Variants in CNST observed in about 807,000 individuals in gnomAD.
CNST encodes consortin, connexin sorting protein.
CNST carries 39 observed loss-of-function variants against 72.4 expected under a neutral mutation model. The ratio of observed to expected loss-of-function variants is 0.54; its 90% CI spans 0.42 to 0.70. The LOEUF (loss-of-function observed/expected upper bound fraction) is 0.70. Ranked by LOEUF, CNST falls within the 30% of genes least tolerant of loss-of-function variation. The pLI is 0.00. For synonymous variants in CNST, 332 were observed against 320.1 expected, an observed-to-expected ratio of 1.04 and a Z score of -0.40; for missense variants, 871 against 868.5, an observed-to-expected ratio of 1.00 and a Z score of -0.04.
chr1:246,566,985 T>C (rs1311762375), intron 1 of CNST, among the ~76,000 whole-genome samples: 2 of 152,138 alleles, frequency 1.3e-5, no homozygotes, highest in African/African-American at 4.8e-5. Flanking sequence ...TTCCTTTCTG[T>C]TGTGTGGCCC....
At chr1:246,614,664 G>T (rs1024339520) in intron 2 of CNST, among the ~76,000 whole-genome samples, 3 of 152,228 alleles carry the variant, frequency 2.0e-5, no homozygotes, top group African/African-American at 4.8e-5. Flanking sequence ...TTGGGACGGG[G>T]TTTCACCATG....
rs1169353352 is a variant in CNST at position 246,645,282 on chromosome 1, T to A, written c.938-1857T>A. On this transcript the variant is annotated intron_variant, in intron 8 of 10. Transcript: ENST00000366513. ...TTAAAGTATCAATATGTTTTTGGAG[T>A]CCAGGGTGAAAAAGAAAGAAAAAAA... is the stretch of plus-strand genomic sequence containing the variant. 3.2e-5 allele frequency among the ~76,000 whole-genome samples: 4 copies of A among 126,030 alleles called. No individual in the cohort carries two copies. The East Asian group carries it at 8.1e-4, about 26-fold the overall frequency. The allele number at this position is 126,030 out of a possible 152,430, so 82.7% of individuals were successfully genotyped here. A position where few individuals can be genotyped will look rare whatever the true frequency, so the allele number is the denominator to read the frequency against.
intron 9 of CNST, among the ~76,000 whole-genome samples, chr1:246,652,799 TC>T (rs2103147190): frequency 6.6e-6 from 1 of 151,216 alleles, no homozygotes; most frequent in South Asian, 2.1e-4. Flanking sequence ...GGTCAGGAGA[TC>T]GAGACCATCC....
At chr1:246,648,107 G>A in intron 9 of CNST, 70 bp downstream of exon 9, 1 of 1,497,742 alleles carries the variant, frequency 6.7e-7, no homozygotes, top group East Asian at 2.4e-5. Flanking sequence ...ATTAAATATT[G>A]CCTTGTTTTT....
At chr1:246,654,583 A>G (rs1666670699) in intron 9 of CNST, among the ~76,000 whole-genome samples, 3 of 152,250 alleles carry the variant, frequency 2.0e-5, no homozygotes, top group Admixed American at 6.5e-5. Context: ...CTTCTACATC[A>G]AACTGCAAAC....
At chr1:246,637,310 A>G (rs1458793982) in intron 6 of CNST, among the ~76,000 whole-genome samples, 1 of 152,154 alleles carries the variant, frequency 6.6e-6, no homozygotes, top group East Asian at 1.9e-4. Flanking sequence ...TTTTGTGAGG[A>G]TCAGGTTGGC....
chr1:246,639,517 G>A (rs1665539275), intron 6 of CNST, among the ~76,000 whole-genome samples: 1 of 152,084 alleles, frequency 6.6e-6, no homozygotes, highest in African/African-American at 2.4e-5. Context: ...GACTGAGGGG[G>A]TGCTTACTTG....
intron 1 of CNST, among the ~76,000 whole-genome samples, chr1:246,574,496 G>T (rs775331830): frequency 2.0e-5 from 3 of 152,094 alleles, no homozygotes; most frequent in Non-Finnish European, 4.4e-5. Context: ...CAAGATTATA[G>T]CTCCGTGCAG....
At chr1:246,578,720 A>C in intron 1 of CNST, among the ~76,000 whole-genome samples, 1 of 152,148 alleles carries the variant, frequency 6.6e-6, no homozygotes, top group Non-Finnish European at 1.5e-5. Flanking sequence ...TCTAAGGCTA[A>C]ATAGTATTAT....
chr1:246,639,190 C>T (rs1394351007), intron 6 of CNST, among the ~76,000 whole-genome samples: 3 of 151,788 alleles, frequency 2.0e-5, no homozygotes, highest in Admixed American at 6.6e-5. Context: ...CGCCGTTCGT[C>T]GGGATAGAGA....
At chr1:246,585,756 AT>A (rs1157552763) in intron 1 of CNST, among the ~76,000 whole-genome samples, 1 of 151,420 alleles carries the variant, frequency 6.6e-6, no homozygotes, top group East Asian at 1.9e-4. Flanking sequence ...ATGAACAGAT[AT>A]ACCTACAGTG....
intron 10 of CNST, among the ~76,000 whole-genome samples, chr1:246,661,074 A>G (rs1352600759): frequency 3.3e-5 from 5 of 151,992 alleles, no homozygotes; most frequent in Admixed American, 1.3e-4. Context: ...GGTTCAAGCA[A>G]TTCTCCTGCC....
intron 2 of CNST, among the ~76,000 whole-genome samples, chr1:246,603,771 G>C (rs540051379): frequency 6.6e-6 from 1 of 152,310 alleles, no homozygotes; most frequent in African/African-American, 2.4e-5. Context: ...TAGAGCTAGG[G>C]AGGCAGTAGG....
At chr1:246,642,070 A>G (rs747429755) in intron 8 of CNST, 33 bp downstream of exon 8, 1 of 1,214,124 alleles carries the variant, frequency 8.2e-7, no homozygotes, top group Non-Finnish European at 1.2e-6. Flanking sequence ...GGAGCAACGT[A>G]AAAGATACCT....
rs753997816 is a variant in CNST, at chr1:246,649,989, G to A, written c.1836+1952G>A. The stretch of plus-strand genomic sequence containing the variant: ...CTCCTGTATATTTCAGTCATCTATT[G>A]ACATGTATTTCCAAAGCCTACAATT... On this transcript the variant is annotated intron_variant, in intron 9 of 10. Transcript: ENST00000366513. 2.6e-4 allele frequency among the ~76,000 whole-genome samples: 40 copies of A among 151,576 alleles called. 1 individual carries two copies. The highest frequency in any genetic ancestry group is 4.2e-4 in the South Asian group (2 of 4,784).
intron 2 of CNST, among the ~76,000 whole-genome samples, chr1:246,611,434 C>A (rs1047783549): frequency 6.6e-6 from 1 of 152,110 alleles, no homozygotes; most frequent in African/African-American, 2.4e-5. Context: ...CATTTTAGGG[C>A]TTCCAGTAGC....
In CNST at chr1:246,599,756, T is replaced by G. The variant is rs114401263; in HGVS notation, c.379+7815T>G. ...TGTTATTCTGCCTACCACAAAAAGA[T>G]TTTAATATAGACTAGATGATAACTT... On this transcript the variant is annotated intron_variant, in intron 2 of 10. Coordinates refer to ENST00000366513, the MANE Select transcript of CNST (RefSeq NM_152609.3). Among the ~76,000 whole-genome samples, 394 of 152,304 alleles carry G rather than the reference T, an allele frequency of 2.6e-3. 1 individual carries two copies. Among genetic ancestry groups the G allele is most frequent in the African/African-American group, 8.8e-3 (365 of 41,560 alleles).
At chr1:246,590,582 A>G (rs1572136627) in intron 1 of CNST, among the ~76,000 whole-genome samples, 1 of 152,260 alleles carries the variant, frequency 6.6e-6, no homozygotes. Flanking sequence ...TGTACTTTAC[A>G]TGTTTCTAAA....
chr1:246,619,938 A>C (rs1663947785), intron 2 of CNST, among the ~76,000 whole-genome samples: 1 of 119,680 alleles, frequency 8.4e-6, no homozygotes, highest in African/African-American at 3.3e-5. Flanking sequence ...TGGGAACACT[A>C]CAGGGAGGAC....
Sources: gnomAD v4.1 joint callset for allele counts (sites outside exome capture counted in the v4.1 genomes callset) on GRCh38, gnomAD v4.1.1 for gene constraint, MANE v1.5 for transcripts, NCBI Gene and HGNC (gene_info 2026-07-23, HGNC 2026-07-21) for gene names.